VCAN: variants seen among roughly 807,000 people sequenced by gnomAD.
VCAN encodes versican.
VCAN carries 44 observed loss-of-function variants against 245.5 expected under a neutral mutation model. The ratio of observed to expected loss-of-function variants is 0.18; its 90% CI spans 0.14 to 0.23. The LOEUF (loss-of-function observed/expected upper bound fraction) is 0.23. Ranked by LOEUF, VCAN falls within the 10% of genes least tolerant of loss-of-function variation. The probability of loss-of-function intolerance (pLI) is 1.00; values close to 1 mark genes in which losing one functional copy is unlikely to be tolerated. For missense variants in VCAN, 3,793 were observed against 4,057.9 expected (o/e 0.93, Z 1.77); for synonymous variants, 1,413 against 1,437.0 (o/e 0.98, Z 0.38).
intron 6 of VCAN, among the ~76,000 whole-genome samples, chr5:83,515,089 A>G (rs1019730025): frequency 3.3e-5 from 5 of 152,268 alleles, no homozygotes; most frequent in Admixed American, 3.3e-4. Flanking sequence ...ACAAAGACAG[A>G]TAAAAGACAT....
chr5:83,519,269 C>G (rs764723501), intron 6 of VCAN, 80 bp from the exon 7 acceptor site: 99 of 1,467,828 alleles, frequency 6.7e-5, no homozygotes, highest in Non-Finnish European at 9.3e-5. Flanking sequence ...ACAAAATACT[C>G]AGGAGCACTT....
At chr5:83,474,818 C>T (rs572213711) in intron 1 of VCAN, among the ~76,000 whole-genome samples, 1 of 152,194 alleles carries the variant, frequency 6.6e-6, no homozygotes, top group African/African-American at 2.4e-5. Context: ...ATCCAGACAG[C>T]GCTGAACACT....
At chr5:83,545,458 A>G (rs372872979) in intron 8 of VCAN, 79 bp from the exon 9 acceptor site, 3 of 1,090,750 alleles carry the variant, frequency 2.8e-6, no homozygotes, top group South Asian at 1.2e-5. Context: ...TGGTAGCAAT[A>G]TGGGGCGTTT....
chr5:83,537,289 C>G lies in VCAN; in HGVS notation c.4286C>G (p.Ala1429Gly), dbSNP rs1746758378. The change falls in exon 8 of 15, where the codon GCT becomes GGT. Residue 1429 changes from alanine to glycine, a missense_variant. Physicochemically the swap from Ala to Gly is moderately conservative, Grantham distance 60. Around this residue, in one of 5 missense-constraint regions of VCAN, gnomAD observed 3,182 missense variants for 3,250.3 expected, o/e 0.98. Coordinates refer to ENST00000265077, the MANE Select transcript of VCAN (RefSeq NM_004385.5). ...CCCAAGGACCCAGAAGCTGCAGAAG[C>G]TAGGCGTGGCCAGTTTGAAAGTGTT... Reference protein sequence around the residue: ...TVPKDPEAAEARRGQFESVAP... With the variant: ...TVPKDPEAAEGRRGQFESVAP... The G allele has an allele frequency of 6.2e-7, 1 of 1,613,858 alleles. No homozygotes were observed. Among genetic ancestry groups the G allele is most frequent in the African/African-American group, 1.3e-5 (1 of 74,906 alleles).
At chr5:83,528,498 C>T (rs552463194) in intron 7 of VCAN, among the ~76,000 whole-genome samples, 8 of 152,132 alleles carry the variant, frequency 5.3e-5, no homozygotes, top group South Asian at 2.1e-4. Flanking sequence ...TTAGGCCTCA[C>T]GCAGAAACTA....
At chr5:83,569,364 T>C (rs544847614) in intron 12 of VCAN, among the ~76,000 whole-genome samples, 14 of 152,284 alleles carry the variant, frequency 9.2e-5, no homozygotes, top group African/African-American at 3.4e-4. Flanking sequence ...TGGTGTGGGT[T>C]GGGAAGAATG....
chr5:83,579,866 G>T, intron 13 of VCAN, 114 bp from the exon 14 acceptor site: 1 of 1,108,610 alleles, frequency 9.0e-7, no homozygotes, highest in East Asian at 2.4e-5. Flanking sequence ...CTAAAAGATT[G>T]CCTTTGATGA....
chr5:83,484,515 C>T (rs530775271), intron 2 of VCAN, among the ~76,000 whole-genome samples: 18 of 133,746 alleles, frequency 1.3e-4, no homozygotes, highest in Admixed American at 4.2e-4. Context: ...ATCCTTCCAT[C>T]CATCCATCCA....
At chr5:83,495,185 G>A (rs1022530737) in intron 5 of VCAN, among the ~76,000 whole-genome samples, 1 of 152,120 alleles carries the variant, frequency 6.6e-6, no homozygotes, top group African/African-American at 2.4e-5. Context: ...TGAGGAGGCT[G>A]GACTAGATAA....
At chr5:83,524,519 C>T (rs1414545458) in intron 7 of VCAN, among the ~76,000 whole-genome samples, 1 of 146,864 alleles carries the variant, frequency 6.8e-6, no homozygotes, top group Non-Finnish European at 1.5e-5. Context: ...TACCTACCTT[C>T]CTACCTACCT....
At chr5:83,503,222 GAGAT>G (rs1441141795) in intron 5 of VCAN, among the ~76,000 whole-genome samples, 1 of 151,812 alleles carries the variant, frequency 6.6e-6, no homozygotes, top group South Asian at 2.1e-4. Flanking sequence ...GATGGAGAGA[GAGAT>G]AGAGAGAGAG....
At chr5:83,501,735 T>G (rs1280694950) in intron 5 of VCAN, among the ~76,000 whole-genome samples, 1 of 152,192 alleles carries the variant, frequency 6.6e-6, no homozygotes, top group Non-Finnish European at 1.5e-5. Flanking sequence ...GGCTTCCAAC[T>G]GTGTTCTTCT....
chr5:83,531,292 A>G (rs942924832), intron 7 of VCAN: 1 of 152,152 alleles, frequency 6.6e-6, no homozygotes. Flanking sequence ...AGTAAGTACC[A>G]TGAGTGGCTT....
At chr5:83,576,448 A>T (rs1748483449) in intron 13 of VCAN, among the ~76,000 whole-genome samples, 1 of 152,118 alleles carries the variant, frequency 6.6e-6, no homozygotes, top group Non-Finnish European at 1.5e-5. Flanking sequence ...TAACTATACA[A>T]CATTTTACTT....
At position 83,540,985 on chromosome 5, in the gene VCAN, G is replaced by T; in HGVS notation, c.7982G>T (p.Ser2661Ile). The T allele has an allele frequency of 1.2e-6, 2 of 1,614,056 alleles. No individual in the cohort carries two copies. Among genetic ancestry groups the T allele is most frequent in the Non-Finnish European group, 8.5e-7 (1 of 1,179,984 alleles). Residue 2661 changes from serine to isoleucine, a missense_variant, in exon 8 of 15, where the codon AGC becomes ATC. By Grantham distance (142) the Ser-to-Ile change is moderately radical. Transcript: ENST00000265077. ...GAATCAATGACTTATGAAGATAGAA[G>T]CCAACTAGATCACATGGGCTTTCAC... Reference protein sequence around the residue: ...HDESMTYEDRSQLDHMGFHFT... With the variant: ...HDESMTYEDRIQLDHMGFHFT...
In VCAN at chr5:83,566,886, T is replaced by G. The variant is rs576787745; in HGVS notation, c.9736-5530T>G. 2.6e-5 allele frequency among the ~76,000 whole-genome samples: 4 copies of G among 152,210 alleles called. No individual in the cohort carries two copies. In the South Asian group the frequency reaches 8.3e-4, roughly 32 times the overall value. On this transcript the variant is annotated intron_variant, in intron 12 of 14. Coordinates refer to ENST00000265077, the MANE Select transcript of VCAN (RefSeq NM_004385.5). Reference sequence around the variant, plus strand: ...ACATTTAGAGTTCGATAGACTTCAATGAATAGCTTCAGTCTGCTCTGAGTT... The same window carrying G: ...ACATTTAGAGTTCGATAGACTTCAAGGAATAGCTTCAGTCTGCTCTGAGTT...
At chr5:83,533,809 T>C (rs1746607791) in intron 7 of VCAN, among the ~76,000 whole-genome samples, 1 of 152,144 alleles carries the variant, frequency 6.6e-6, no homozygotes, top group Admixed American at 6.6e-5. Flanking sequence ...TATAGATCTA[T>C]GAGCAATTGG....
At chr5:83,549,775 A>G (rs1295421788) in intron 10 of VCAN, among the ~76,000 whole-genome samples, 1 of 152,154 alleles carries the variant, frequency 6.6e-6, no homozygotes, top group Non-Finnish European at 1.5e-5. Flanking sequence ...TTTGCTGAGA[A>G]ACATCGATCT....
At chr5:83,577,725 G>A (rs1748534102) in intron 13 of VCAN, among the ~76,000 whole-genome samples, 5 of 152,024 alleles carry the variant, frequency 3.3e-5, no homozygotes, top group Admixed American at 3.3e-4. Flanking sequence ...TGTCTTTTCT[G>A]AAGTATGGAA....
Sources: gnomAD v4.1 joint callset for allele counts (sites outside exome capture counted in the v4.1 genomes callset) on GRCh38, gnomAD v4.1.1 for gene constraint, gnomAD v4.1.1 regional missense constraint, MANE v1.5 for transcripts, NCBI Gene and HGNC (gene_info 2026-07-23, HGNC 2026-07-21) for gene names.